ABCD4: variants seen among roughly 807,000 people sequenced by gnomAD.
The protein encoded by ABCD4 is ATP binding cassette subfamily D member 4, also known as lysosomal cobalamin transporter ABCD4.
Under a neutral mutation model 86.3 loss-of-function variants are expected in ABCD4, and 53 were observed. The observed-to-expected ratio is 0.61, with a 90% CI of 0.49 to 0.77. The LOEUF (loss-of-function observed/expected upper bound fraction) is 0.77. Ranked by LOEUF, ABCD4 falls within the 30% of genes least tolerant of loss-of-function variation. The pLI is 0.00. For synonymous variants in ABCD4, 328 were observed against 313.6 expected, an observed-to-expected ratio of 1.05 and a Z score of -0.49; for missense variants, 757 against 764.5, an observed-to-expected ratio of 0.99 and a Z score of 0.12.
At chr14:74,287,295 T>C (rs1475701589) in intron 17 of ABCD4, among the ~76,000 whole-genome samples, 6 of 152,080 alleles carry the variant, frequency 3.9e-5, no homozygotes, top group South Asian at 2.1e-4. Flanking sequence ...ATGCCTGTAA[T>C]CCCAGCACTT....
chr14:74,297,897 A>G (rs2083279029), intron 4 of ABCD4, 33 bp downstream of exon 4: 1 of 1,593,124 alleles, frequency 6.3e-7, no homozygotes. Context: ...AGGACCACAC[A>G]GAGTGTAGAA....
At chr14:74,297,826 G>A (rs1294448258) in intron 4 of ABCD4, 104 bp downstream of exon 4, 8 of 1,474,522 alleles carry the variant, frequency 5.4e-6, no homozygotes, top group South Asian at 1.5e-5. Flanking sequence ...ATTTGAAAAC[G>A]ACTGCAGATG....
intron 11 of ABCD4, among the ~76,000 whole-genome samples, chr14:74,290,747 C>A (rs985288899): frequency 7.3e-6 from 1 of 136,508 alleles, no homozygotes; most frequent in Non-Finnish European, 1.5e-5. Flanking sequence ...TGCAGTGGAG[C>A]TATCTCAGCT....
At chr14:74,299,460 C>G (rs1313026480) in intron 3 of ABCD4, 88 bp downstream of exon 3, 1 of 1,536,182 alleles carries the variant, frequency 6.5e-7, no homozygotes, top group Non-Finnish European at 8.9e-7. Context: ...AGCTTGCTTC[C>G]TGCTTCCTGG....
At chr14:74,287,719 A>G (rs894311393) in intron 17 of ABCD4, 91 bp downstream of exon 17, 4 of 1,238,328 alleles carry the variant, frequency 3.2e-6, no homozygotes, top group East Asian at 2.5e-5. Context: ...CCAGCCATTC[A>G]CAGGTGTGCC....
intron 14 of ABCD4, 105 bp downstream of exon 14, chr14:74,289,378 C>G: frequency 6.5e-7 from 1 of 1,528,548 alleles, no homozygotes; most frequent in East Asian, 2.3e-5. Context: ...GAATCAGCGG[C>G]CTGGCTGGAG....
intron 11 of ABCD4, 64 bp from the exon 12 acceptor site, chr14:74,290,563 C>T: frequency 7.6e-7 from 1 of 1,318,868 alleles, no homozygotes; most frequent in East Asian, 2.3e-5. Context: ...GTGGGGGAGG[C>T]ACTGCTCCCG....
chr14:74,298,177 ACT>A, intron 3 of ABCD4, 108 bp from the exon 4 acceptor site: 1 of 1,500,574 alleles, frequency 6.7e-7, no homozygotes, highest in Non-Finnish European at 8.8e-7. Flanking sequence ...GCCCACTCTG[ACT>A]CTGATTACTC....
intron 4 of ABCD4, 157 bp from the exon 5 acceptor site, chr14:74,296,606 A>AG (rs1442399898): frequency 7.9e-6 from 5 of 633,510 alleles, no homozygotes; most frequent in African/African-American, 7.3e-5. Context: ...CTGGTTTCCT[A>AG]GGGGCAACTA....
At chr14:74,287,718 C>T (rs943271877) in intron 17 of ABCD4, 92 bp downstream of exon 17, 1 of 1,242,232 alleles carries the variant, frequency 8.1e-7, no homozygotes, top group Non-Finnish European at 1.1e-6. Flanking sequence ...CCCAGCCATT[C>T]ACAGGTGTGC....
chr14:74,301,669 G>A (rs530490792), intron 1 of ABCD4, among the ~76,000 whole-genome samples: 21 of 146,642 alleles, frequency 1.4e-4, no homozygotes, highest in Non-Finnish European at 2.7e-4. Flanking sequence ...CACTTCGGGA[G>A]GCCGAGGCGG....
chr14:74,292,941 G>C (rs2081938956), intron 8 of ABCD4, 72 bp from the exon 9 acceptor site: 43 of 1,603,988 alleles, frequency 2.7e-5, no homozygotes, highest in Non-Finnish European at 3.7e-5. Context: ...CCCTAAGACA[G>C]GGAGCAGGAC....
chr14:74,290,223 C>G, intron 12 of ABCD4, 68 bp downstream of exon 12: 1 of 1,611,268 alleles, frequency 6.2e-7, no homozygotes, highest in South Asian at 1.1e-5. Flanking sequence ...TTCTACCACA[C>G]CGTCCCCGCC....
At chr14:74,290,679 G>A (rs1033252357) in intron 11 of ABCD4, among the ~76,000 whole-genome samples, 180 bp from the exon 12 acceptor site, 3 of 141,616 alleles carry the variant, frequency 2.1e-5, no homozygotes, top group African/African-American at 8.2e-5. Context: ...TTCGGAGGCA[G>A]GGTCTTTTTT....
At chr14:74,295,030 C>A (rs1426597715) in intron 7 of ABCD4, 118 bp downstream of exon 7, 14 of 1,252,004 alleles carry the variant, frequency 1.1e-5, no homozygotes, top group Non-Finnish European at 1.6e-5. Flanking sequence ...GGGTCACAGC[C>A]AAGTGTGACA....
intron 14 of ABCD4, chr14:74,289,179 C>G (rs2080757207): frequency 8.0e-7 from 1 of 1,247,706 alleles, no homozygotes; most frequent in Admixed American, 3.9e-5. Flanking sequence ...GGGGTGGGGG[C>G]CTCAGAATGC....
chr14:74,302,442 T>C (rs2084887163), intron 1 of ABCD4, among the ~76,000 whole-genome samples: 1 of 152,166 alleles, frequency 6.6e-6, no homozygotes, highest in Non-Finnish European at 1.5e-5. Context: ...GCCACTTATA[T>C]AACACACCAG....
chr14:74,292,044 T>C (rs756087578), intron 11 of ABCD4, among the ~76,000 whole-genome samples: 1 of 152,166 alleles, frequency 6.6e-6, no homozygotes, highest in Non-Finnish European at 1.5e-5. Flanking sequence ...TGCAGATTCC[T>C]GTTATCTCAG....
At chr14:74,297,229 G>A (rs919834231) in intron 4 of ABCD4, 5 of 152,272 alleles carry the variant, frequency 3.3e-5, no homozygotes, top group Non-Finnish European at 7.3e-5. Flanking sequence ...CACTTGCTAT[G>A]TGTCAAGCAC....
Sources: allele counts gnomAD v4.1 joint callset (sites outside exome capture counted in the v4.1 genomes callset), GRCh38; gene constraint gnomAD v4.1.1; transcripts MANE v1.5; gene names NCBI Gene and HGNC (gene_info 2026-07-23, HGNC 2026-07-21).